The following SLC5A9 variants were observed in gnomAD, a reference collection of about 807,000 sequenced individuals.
SLC5A9 encodes the protein sodium/glucose cotransporter 4.
In SLC5A9, 59 loss-of-function variants were observed where a neutral mutation model predicts 70.9. That is an observed-to-expected ratio of 0.83 (90% CI 0.68 to 1.03). The LOEUF is 1.03. Among genes scored for constraint, SLC5A9 ranks in the 50% least tolerant of loss-of-function variants. The pLI is 0.00. For missense variants in SLC5A9, 832 were observed against 881.1 expected, an observed-to-expected ratio of 0.94 and a Z score of 0.71; for synonymous variants, 340 against 346.5, an observed-to-expected ratio of 0.98 and a Z score of 0.21.
rs747757681 is a variant in SLC5A9, at chr1:48,242,492, C to T, written c.1713C>T (p.Pro571=). Residue 571 remains proline, a synonymous_variant, in exon 13 of 14, where the codon CCC becomes CCT. Transcript: ENST00000438567. ...TRLTWWTRNC[P]LSELEKEAHE... ...TCACATGGTGGACTCGGAACTGCCC[C>T]CTCTCTGAGCTGGAGAAGGAGGCCC... is the stretch of plus-strand genomic sequence containing the variant. 3 of 1,612,538 alleles carry T rather than the reference C, an allele frequency of 1.9e-6. No individual in the cohort carries two copies. The highest frequency in any genetic ancestry group is 2.5e-6 in the Non-Finnish European group (3 of 1,178,908).
At chr1:48,240,987 C>G (rs2148585885) in intron 12 of SLC5A9, 1 of 152,318 alleles carries the variant, frequency 6.6e-6, no homozygotes, top group Middle Eastern at 3.4e-3. Context: ...CTTCCTGCAC[C>G]CCGAAGACCT....
intron 13 of SLC5A9, 125 bp from the exon 14 acceptor site, chr1:48,247,210 C>T: frequency 1.2e-6 from 1 of 862,586 alleles, no homozygotes. Context: ...CTGTGCACCC[C>T]CCATACTTTC....
intron 1 of SLC5A9, 22 bp downstream of exon 1, chr1:48,222,920 G>T: frequency 6.2e-7 from 1 of 1,612,768 alleles, no homozygotes; most frequent in South Asian, 1.1e-5. Context: ...CTGAGGCTGG[G>T]GCTAGCAGGG....
intron 13 of SLC5A9, among the ~76,000 whole-genome samples, 182 bp from the exon 14 acceptor site, chr1:48,247,153 G>C (rs1292900738): frequency 1.3e-5 from 2 of 152,192 alleles, no homozygotes; most frequent in African/African-American, 4.8e-5. Context: ...CACCCAGTCT[G>C]TGGTTTGCAG....
At chr1:48,227,540 C>T (rs1644180161) in intron 2 of SLC5A9, among the ~76,000 whole-genome samples, 1 of 130,622 alleles carries the variant, frequency 7.7e-6, no homozygotes, top group African/African-American at 3.0e-5. Context: ...TGTACTGTGC[C>T]TGTGTGGGTG....
chr1:48,228,534 C>G (rs1644197143), intron 2 of SLC5A9: 2 of 326,412 alleles, frequency 6.1e-6, no homozygotes, highest in Non-Finnish European at 5.8e-6. Flanking sequence ...AGACCCATGG[C>G]CTCAGGGCGG....
In SLC5A9 at chr1:48,232,430, G is replaced by A. The variant is rs142245431; in HGVS notation, c.961G>A (p.Gly321Arg). ...TCATGCCAAGGGAGGCTCCGTGCTG[G>A]GGGGCTACCTGAAGATCCTCCCCAT... ...LSHAKGGSVL[G>R]GYLKILPMFF... Residue 321 changes from glycine to arginine, a missense_variant, in exon 8 of 14, where the codon GGG (glycine) becomes AGG (arginine). Gly to Arg is a moderately radical substitution (Grantham distance 125). Transcript: ENST00000438567. The A allele has an allele frequency of 1.1e-5, 17 of 1,614,134 alleles. No homozygotes were observed. In the East Asian group the frequency reaches 1.3e-4, roughly 13 times the overall value.
At chr1:48,222,948 T>A (rs747689364) in intron 1 of SLC5A9, 50 bp downstream of exon 1, 2 of 1,595,912 alleles carry the variant, frequency 1.3e-6, no homozygotes, top group Non-Finnish European at 1.7e-6. Context: ...TAGTGGTCTC[T>A]CAGCTTGGGT....
In SLC5A9 at chr1:48,242,513, G is replaced by A; in HGVS notation, c.1734G>A (p.Glu578=). The A allele has an allele frequency of 6.2e-7, 1 of 1,613,508 alleles. No individual in the cohort carries two copies. Among genetic ancestry groups the A allele is most frequent in the Non-Finnish European group, 8.5e-7 (1 of 1,179,518 alleles). ...GCCCCCTCTCTGAGCTGGAGAAGGA[G>A]GCCCACGAGAGCACACCGGAGATAT... ...RNCPLSELEK[E]AHESTPEISE... Residue 578 remains glutamate (E), a synonymous_variant, in exon 13 of 14, where the codon GAG becomes GAA. Transcript: ENST00000438567.
In SLC5A9 at chr1:48,239,784, C is replaced by T. The variant is rs1291573998; in HGVS notation, c.1677+247C>T. On this transcript the variant is annotated intron_variant, in intron 12 of 13. Transcript: ENST00000438567. The surrounding 1 kb of genome is among the most constrained non-coding windows in gnomAD (Gnocchi z 4.2). The stretch of plus-strand genomic sequence containing the variant: ...TGCTGGGCTTACAAAGATGAATGGT[C>T]CCTGCCAGAGACTATCCTCAGGGAG... 1.1e-4 allele frequency among the ~76,000 whole-genome samples: 17 copies of T among 152,170 alleles called. No homozygotes were observed. Among genetic ancestry groups the T allele is most frequent in the Non-Finnish European group, 1.5e-5 (1 of 68,040 alleles).
chr1:48,231,942 A>G lies in SLC5A9; in HGVS notation c.692-4A>G. On this transcript the variant is annotated splice_region_variant and splice_polypyrimidine_tract_variant and intron_variant, in intron 6 of 13. Transcript: ENST00000438567. ...GGGCTGCTTCACTCACTGTCTCCTC[A>G]CAGGCTTTCAGGACGTGGGCTGGTA... The G allele has an allele frequency of 6.2e-7, 1 of 1,613,992 alleles. No homozygotes were observed. The highest frequency in any genetic ancestry group is 8.5e-7 in the Non-Finnish European group (1 of 1,179,996).
At chr1:48,234,707 TAG>T (rs1644303052) in intron 9 of SLC5A9, among the ~76,000 whole-genome samples, 1 of 151,814 alleles carries the variant, frequency 6.6e-6, no homozygotes, top group African/African-American at 2.4e-5. Context: ...GGCAGCAGAG[TAG>T]AGTTATTCCC....
chr1:48,233,437 T>A (rs1644284946), intron 8 of SLC5A9, among the ~76,000 whole-genome samples: 7 of 147,522 alleles, frequency 4.7e-5, no homozygotes, highest in Non-Finnish European at 1.0e-4. Context: ...GCCAAACATA[T>A]GATAAGTATT....
intron 2 of SLC5A9, 62 bp downstream of exon 2, chr1:48,224,857 A>C: frequency 6.8e-7 from 1 of 1,475,276 alleles, no homozygotes; most frequent in Non-Finnish European, 9.5e-7. Flanking sequence ...CCTCCCCACT[A>C]TCCAAGCACT....
At chr1:48,240,147 A>T (rs12126047) in intron 12 of SLC5A9, among the ~76,000 whole-genome samples, 17,463 of 152,218 alleles carry the variant, frequency 0.11, 1,316 homozygotes, top group South Asian at 0.22. Context: ...AAGCAACAGA[A>T]TGTATGATTT....
In SLC5A9 at chr1:48,237,570, T is replaced by C. The variant is rs1644343201; in HGVS notation, c.1293-109T>C. 6.6e-6 allele frequency: 7 copies of C among 1,056,548 alleles called. No individual in the cohort carries two copies. In the Admixed American group the frequency reaches 1.1e-4, roughly 17 times the overall value. 65.4% of individuals were successfully genotyped at this position (1,056,548 alleles called of 1,614,324 possible). On this transcript the variant is annotated intron_variant, in intron 10 of 13. Transcript: ENST00000438567. The stretch of plus-strand genomic sequence containing the variant: ...CTGCCAACCTTCTCTGATCTAGTGA[T>C]TGTACATTCCCCTTCTTTCTCCCTT...
chr1:48,235,651 T>G, intron 9 of SLC5A9, 78 bp from the exon 10 acceptor site: 1 of 1,555,444 alleles, frequency 6.4e-7, no homozygotes, highest in South Asian at 1.2e-5. Flanking sequence ...CTCTACAGAA[T>G]GCTCCAGCAG....
At chr1:48,243,618 C>T (rs1447793096) in intron 13 of SLC5A9, among the ~76,000 whole-genome samples, 1 of 152,042 alleles carries the variant, frequency 6.6e-6, no homozygotes, top group Non-Finnish European at 1.5e-5. Flanking sequence ...ATGTTAAACT[C>T]TATAAAGCTC....
At position 48,237,576 on chromosome 1, in the gene SLC5A9, A is replaced by C. The variant is rs924667202; in HGVS notation, c.1293-103A>C. ...ACCTTCTCTGATCTAGTGATTGTACATTCCCCTTCTTTCTCCCTTCCTGGT... is the reference window on the plus strand; with the variant it reads ...ACCTTCTCTGATCTAGTGATTGTACCTTCCCCTTCTTTCTCCCTTCCTGGT... On this transcript the variant is annotated intron_variant, in intron 10 of 13. Transcript: ENST00000438567. The C allele has an allele frequency of 6.2e-6, 7 of 1,120,432 alleles. No individual in the cohort carries two copies. The Admixed American group carries it at 8.4e-5, about 13-fold the overall frequency. 69.4% of individuals were successfully genotyped at this position (1,120,432 alleles called of 1,614,324 possible). A position where few individuals can be genotyped will look rare whatever the true frequency, so the allele number is the denominator to read the frequency against.
Sources: gnomAD v4.1 joint callset for allele counts (sites outside exome capture counted in the v4.1 genomes callset) on GRCh38, gnomAD v4.1.1 for gene constraint, Gnocchi (gnomAD v3.1) non-coding constraint, MANE v1.5 for transcripts, NCBI Gene and HGNC (gene_info 2026-07-23, HGNC 2026-07-21) for gene names.